TXLNG: variants seen among roughly 807,000 people sequenced by gnomAD.
TXLNG encodes the protein taxilin gamma.
TXLNG carries 5 observed loss-of-function variants against 38.8 expected under a neutral mutation model. The observed-to-expected ratio is 0.13, with a 90% CI of 0.07 to 0.27. TXLNG has a LOEUF of 0.27. Ranked by LOEUF, TXLNG falls within the 10% of genes least tolerant of loss-of-function variation. TXLNG has a pLI of 1.00. For missense variants in TXLNG, 393 were observed against 398.2 expected, an observed-to-expected ratio of 0.99 and a Z score of 0.11; for synonymous variants, 182 against 158.2, an observed-to-expected ratio of 1.15 and a Z score of -1.13.
intron 2 of TXLNG, 50 bp downstream of exon 2, chrX:16,818,927 T>C (rs1318943571): frequency 1.8e-6 from 2 of 1,123,441 alleles, no homozygotes; most frequent in South Asian, 2.2e-5. Flanking sequence ...TCATTTTACT[T>C]GTGTTTTCTG....
intron 1 of TXLNG, among the ~76,000 whole-genome samples, chrX:16,801,162 T>C (rs909567421): frequency 2.7e-5 from 3 of 112,081 alleles, no homozygotes; most frequent in Non-Finnish European, 5.6e-5. Flanking sequence ...TCTTTTCTTA[T>C]AAATTACCCA....
At chrX:16,800,346 C>T (rs1358642168) in intron 1 of TXLNG, among the ~76,000 whole-genome samples, 3 of 111,070 alleles carry the variant, frequency 2.7e-5, no homozygotes, top group Non-Finnish European at 5.7e-5. Flanking sequence ...CCTCCACCTC[C>T]CAGGCTCAGG....
rs35533876 is a variant in TXLNG, at chrX:16,821,730, C to G, written c.498+1475C>G. On this transcript the variant is annotated intron_variant, in intron 3 of 9. Coordinates refer to ENST00000380122, the MANE Select transcript of TXLNG (RefSeq NM_018360.3). ...CTGAGGCTGGGCGCGGTGGCTCACG[C>G]CTGTAATCCCAGCACTTTGGGAGGC... 2.7e-5 allele frequency among the ~76,000 whole-genome samples: 3 copies of G among 111,663 alleles called. No homozygotes were observed. The Admixed American group carries it at 2.9e-4, about 11-fold the overall frequency.
chrX:16,801,950 C>CTTTTTTTT (rs56071399), intron 1 of TXLNG, among the ~76,000 whole-genome samples: 25 of 45,234 alleles, frequency 5.5e-4, no homozygotes, highest in East Asian at 1.9e-3. Flanking sequence ...TTCTTTCTTT[C>CTTTTTTTT]TTTTTTTTTT....
intron 1 of TXLNG, among the ~76,000 whole-genome samples, chrX:16,794,065 C>A (rs1040573682): frequency 8.9e-6 from 1 of 111,899 alleles, no homozygotes; most frequent in Non-Finnish European, 1.9e-5. Context: ...AAGTACTGTA[C>A]ATCCCAGTTT....
rs758622850 is a variant in TXLNG at position 16,792,609 on chromosome X, C to T, written c.102+6020C>T. 1.0e-4 allele frequency among the ~76,000 whole-genome samples: 11 copies of T among 108,677 alleles called. No individual in the cohort carries two copies. The East Asian group carries it at 2.0e-3, about 20-fold the overall frequency. The allele number at this position is 108,677 out of a possible 115,157, so 94.4% of individuals were successfully genotyped here. On this transcript the variant is annotated intron_variant, in intron 1 of 9. Transcript: ENST00000380122. Reference sequence around the variant, plus strand: ...CCGCTTGGGCAACACAGGGAGACCCCGTCTCTATGAAGAATAAAAAACTTA... The same window carrying T: ...CCGCTTGGGCAACACAGGGAGACCCTGTCTCTATGAAGAATAAAAAACTTA...
chrX:16,816,375 C>T (rs923400257), intron 1 of TXLNG, among the ~76,000 whole-genome samples: 3 of 112,264 alleles, frequency 2.7e-5, no homozygotes, highest in African/African-American at 9.7e-5. Flanking sequence ...GAATCCTCTC[C>T]CACCCCAAGA....
At chrX:16,839,677 A>G (rs748992251) in intron 8 of TXLNG, 144 bp from the exon 9 acceptor site, 225 of 391,435 alleles carry the variant, frequency 5.7e-4, no homozygotes, top group African/African-American at 5.3e-3. Context: ...AGCTACTTCT[A>G]TAAAGACACA....
At position 16,838,825 on chromosome X, in the gene TXLNG, C is replaced by T. The variant is rs142121099; in HGVS notation, c.1153-996C>T. On this transcript the variant is annotated intron_variant, in intron 8 of 9. Transcript: ENST00000380122. ...CTCCTGGATCTGCCATCCTTCTGGT[C>T]CTCTGGGACTGGAACACATTCCTCT... 2.4e-4 allele frequency among the ~76,000 whole-genome samples: 27 copies of T among 111,951 alleles called. No homozygotes were observed. The East Asian group carries it at 7.0e-3, about 29-fold the overall frequency.
chrX:16,838,069 A>G (rs1452238993), intron 8 of TXLNG, among the ~76,000 whole-genome samples: 1 of 111,565 alleles, frequency 9.0e-6, no homozygotes, highest in Non-Finnish European at 1.9e-5. Context: ...AATAATAATC[A>G]TATATTTTGG....
intron 1 of TXLNG, among the ~76,000 whole-genome samples, chrX:16,796,659 T>C (rs776932688): frequency 9.0e-6 from 1 of 111,428 alleles, no homozygotes; most frequent in African/African-American, 3.3e-5. Flanking sequence ...GCCTATTTGT[T>C]AGGTGTAGTT....
intron 4 of TXLNG, among the ~76,000 whole-genome samples, chrX:16,829,029 A>AT (rs1050004483): frequency 1.3e-3 from 136 of 108,589 alleles, no homozygotes; most frequent in African/African-American, 3.2e-3. Flanking sequence ...AGTAAGTGGT[A>AT]TTTTTTTTTT....
intron 3 of TXLNG, among the ~76,000 whole-genome samples, chrX:16,825,723 C>T (rs1208461732): frequency 9.0e-6 from 1 of 111,695 alleles, no homozygotes; most frequent in African/African-American, 3.3e-5. Context: ...CAAATGCATC[C>T]GAAGTCTGTT....
chrX:16,832,459 C>G (rs1369192664), intron 5 of TXLNG, among the ~76,000 whole-genome samples, 164 bp from the exon 6 acceptor site: 2 of 111,835 alleles, frequency 1.8e-5, no homozygotes, highest in African/African-American at 3.3e-5. Flanking sequence ...ATTGCCGCTT[C>G]TCTCAGCGGA....
chrX:16,828,403 C>T lies in TXLNG; in HGVS notation c.669+139C>T. On this transcript the variant is annotated intron_variant, in intron 4 of 9. Coordinates refer to ENST00000380122, the MANE Select transcript of TXLNG (RefSeq NM_018360.3). The stretch of plus-strand genomic sequence containing the variant: ...GCTTTTTATTTTGCTTGGCCTGATG[C>T]CTTGTGTGAGGTCATTGTAAATGTA... 4.9e-6 allele frequency: 3 copies of T among 607,112 alleles called. No homozygotes were observed. The South Asian group carries it at 1.5e-4, about 30-fold the overall frequency. The allele number at this position is 607,112 out of a possible 1,213,427, so 50.0% of individuals were successfully genotyped here.
At chrX:16,836,878 G>A (rs1053944410) in intron 7 of TXLNG, among the ~76,000 whole-genome samples, 9 of 111,569 alleles carry the variant, frequency 8.1e-5, no homozygotes, top group African/African-American at 2.9e-4. Context: ...GGTCTAAGAT[G>A]AACTCATTCA....
chrX:16,805,517 A>G (rs1308909508), intron 1 of TXLNG, among the ~76,000 whole-genome samples: 1 of 112,792 alleles, frequency 8.9e-6, no homozygotes, highest in Non-Finnish European at 1.9e-5. Context: ...TGTGGTTTTA[A>G]TTTTTCATGT....
Position 16,841,446 on chromosome X carries a change from G to A in TXLNG, c.1267G>A (p.Glu423Lys), listed in dbSNP as rs765870943. ...MAEEKTVRDK[E>K]YKALQIKLER... Reference sequence around the variant, plus strand: ...CTTACAGAAAACAGTCCGTGATAAAGAGTACAAGGCCCTTCAAATAAAACT... The same window carrying A: ...CTTACAGAAAACAGTCCGTGATAAAAAGTACAAGGCCCTTCAAATAAAACT... Residue 423 changes from glutamate to lysine, a missense_variant, in exon 10 of 10, where the codon GAG becomes AAG. Coordinates refer to ENST00000380122, the MANE Select transcript of TXLNG (RefSeq NM_018360.3). 1.7e-6 allele frequency: 2 copies of A among 1,202,403 alleles called. No homozygotes were observed. Among genetic ancestry groups the A allele is most frequent in the Non-Finnish European group, 2.2e-6 (2 of 891,307 alleles).
chrX:16,806,231 C>G (rs7881951), intron 1 of TXLNG, among the ~76,000 whole-genome samples: 56,441 of 111,060 alleles, frequency 0.51, 10,701 homozygotes, highest in Middle Eastern at 0.6. Flanking sequence ...ATACTGGAAG[C>G]GTTTAGGAGG....
Sources: gnomAD v4.1 joint callset for allele counts (sites outside exome capture counted in the v4.1 genomes callset) on GRCh38, gnomAD v4.1.1 for gene constraint, MANE v1.5 for transcripts, NCBI Gene and HGNC (gene_info 2026-07-23, HGNC 2026-07-21) for gene names.